NGEF: variants seen among roughly 807,000 people sequenced by gnomAD.
NGEF encodes neuronal guanine nucleotide exchange factor.
A neutral mutation model predicts 80.9 loss-of-function variants in NGEF; 31 were observed. That is an observed-to-expected ratio of 0.38 (90% CI 0.29 to 0.52). The LOEUF (loss-of-function observed/expected upper bound fraction) is 0.52. NGEF is among the 20% of genes least tolerant of loss of function. NGEF has a pLI of 0.84. For missense variants in NGEF, 709 were observed against 926.2 expected, an observed-to-expected ratio of 0.77 and a Z score of 3.04; for synonymous variants, 371 against 370.2, an observed-to-expected ratio of 1.00 and a Z score of -0.03.
chr2:232,883,441 C>A lies in NGEF; in HGVS notation c.1627G>T (p.Ala543Ser). The A allele has an allele frequency of 6.2e-7, 1 of 1,606,646 alleles. No individual in the cohort carries two copies. Residue 543 changes from alanine (A) to serine (S), a missense_variant, in exon 12 of 15, where the codon GCT (alanine) becomes TCT (serine). This residue lies in a region of NGEF where 426 missense variants were observed against 622.9 expected (regional missense o/e 0.68). Transcript: ENST00000264051. ...TCCACACGCAGCAGTCCCCGCGGAG[C>A]TGAGTCAAATACCTGGTACTTGTCT... ...PGDKYQVFDS[A>S]PRGLLRVEEL...
chr2:232,999,208 C>T (rs180685053), intron 1 of NGEF, among the ~76,000 whole-genome samples: 1 of 152,142 alleles, frequency 6.6e-6, no homozygotes, highest in East Asian at 1.9e-4. Flanking sequence ...CCCAGGCTGC[C>T]CTTTTTATTA....
intron 3 of NGEF, among the ~76,000 whole-genome samples, chr2:232,930,710 C>T (rs900671148): frequency 3.3e-5 from 5 of 152,192 alleles, no homozygotes; most frequent in African/African-American, 1.2e-4. Context: ...CTTGCCACCT[C>T]TCAAAGGCCC....
At chr2:232,987,157 C>T (rs1574654784) in intron 1 of NGEF, among the ~76,000 whole-genome samples, 1 of 152,156 alleles carries the variant, frequency 6.6e-6, no homozygotes, top group East Asian at 1.9e-4. Context: ...GCTGGGATTA[C>T]AGGCACGTGC....
chr2:232,918,633 T>TTG (rs149695495), intron 5 of NGEF, among the ~76,000 whole-genome samples: 20,312 of 135,788 alleles, frequency 0.15, 2,161 homozygotes, highest in Non-Finnish European at 0.21. Flanking sequence ...TCTAAGTTTT[T>TTG]TTTTTTTTTT....
rs200191104 is a variant in NGEF at position 232,920,272 on chromosome 2, G to A, written c.828+12C>T. The A allele has an allele frequency of 2.9e-5, 46 of 1,606,356 alleles. No individual in the cohort carries two copies. The highest frequency in any genetic ancestry group is 2.4e-4 in the Admixed American group (14 of 59,556). ...TGCTGTGGGGGAGCCCCCGCCCCTC[G>A]GCGCCTGTTACCTCCTGCAGCTTAA... On this transcript the variant is annotated intron_variant, in intron 5 of 14. Coordinates refer to ENST00000264051, the MANE Select transcript of NGEF (RefSeq NM_019850.3).
chr2:232,995,114 G>GCGCACAGTATGTATATA lies in NGEF; in HGVS notation c.-75+17953_-75+17954insTATATACATACTGTGCG, dbSNP rs1266912166. Among the ~76,000 whole-genome samples, 115 of 4,366 alleles carry GCGCACAGTATGTATATA rather than the reference G, an allele frequency of 0.026. 52 individuals carry two copies. In the East Asian group the frequency reaches 0.9, roughly 34 times the overall value. 2.9% of individuals were successfully genotyped at this position (4,366 alleles called of 152,430 possible). A position where few individuals can be genotyped will look rare whatever the true frequency, so the allele number is the denominator to read the frequency against. On this transcript the variant is annotated intron_variant, in intron 1 of 14. Coordinates refer to ENST00000264051, the MANE Select transcript of NGEF (RefSeq NM_019850.3). ...ATGTATATGTGTACAGTATGTATAT[G>GCGCACAGTATGTATATA]TGTACAGTATGTATATATGTACAGT...
At chr2:232,954,497 A>T (rs1380454041) in intron 3 of NGEF, among the ~76,000 whole-genome samples, 1 of 152,142 alleles carries the variant, frequency 6.6e-6, no homozygotes, top group African/African-American at 2.4e-5. Flanking sequence ...AGGCTGAGGC[A>T]GGCGGATCGT....
At chr2:232,920,659 G>C (rs1177750825) in intron 4 of NGEF, 74 bp from the exon 5 acceptor site, 4 of 1,423,092 alleles carry the variant, frequency 2.8e-6, no homozygotes, top group South Asian at 1.4e-5. Flanking sequence ...CTAAGTCAAG[G>C]CTTCGTGTTC....
At chr2:232,963,237 G>A (rs1037509127) in intron 3 of NGEF, among the ~76,000 whole-genome samples, 2 of 151,840 alleles carry the variant, frequency 1.3e-5, no homozygotes, top group Admixed American at 6.6e-5. Context: ...TTCAGAAATA[G>A]ACCCACATGT....
chr2:232,995,601 T>C (rs1254340636), intron 1 of NGEF, among the ~76,000 whole-genome samples: 5 of 138,146 alleles, frequency 3.6e-5, no homozygotes, highest in African/African-American at 8.8e-5. Flanking sequence ...ATACTGTATA[T>C]ATATACAGTA....
chr2:232,894,813 G>T lies in NGEF; in HGVS notation c.932C>A (p.Pro311Gln). The change falls in exon 6 of 15, where the codon CCG becomes CAG. Residue 311 changes from proline (P) to glutamine (Q), a missense_variant. By Grantham distance (76) the Pro-to-Gln change is moderately conservative (BLOSUM62 -1). Coordinates refer to ENST00000264051, the MANE Select transcript of NGEF (RefSeq NM_019850.3). ...ENERIRKILH[P>Q]SEAHILFSNV... ...GGAGAAGAGGATGTGCGCCTCGGAC[G>T]GGTGCAGGATCTTCCTTATCCGCTC... 2 of 1,611,460 alleles carry T rather than the reference G, an allele frequency of 1.2e-6. No individual in the cohort carries two copies. The highest frequency in any genetic ancestry group is 1.7e-6 in the Non-Finnish European group (2 of 1,178,798).
At chr2:232,912,796 G>A (rs1692716745) in intron 5 of NGEF, among the ~76,000 whole-genome samples, 1 of 152,092 alleles carries the variant, frequency 6.6e-6, no homozygotes, top group South Asian at 2.1e-4. Flanking sequence ...TATGTGTGTA[G>A]AATTGTTCAT....
At chr2:232,883,252 C>T (rs1691572906) in intron 12 of NGEF, 59 bp downstream of exon 12, 13 of 1,529,800 alleles carry the variant, frequency 8.5e-6, no homozygotes, top group South Asian at 3.8e-5. Context: ...CCATAGGCAT[C>T]GAGGCCACAC....
At chr2:232,961,074 G>A (rs1484021827) in intron 3 of NGEF, among the ~76,000 whole-genome samples, 1 of 152,164 alleles carries the variant, frequency 6.6e-6, no homozygotes, top group Non-Finnish European at 1.5e-5. Context: ...GACTTGCAAA[G>A]CAGCCTTGGA....
intron 6 of NGEF, 138 bp from the exon 7 acceptor site, chr2:232,893,188 C>T: frequency 1.3e-6 from 1 of 792,804 alleles, no homozygotes. Context: ...CGACAAGATC[C>T]ATCGGCAGGG....
At chr2:232,882,563 C>T (rs193292697) in intron 12 of NGEF, among the ~76,000 whole-genome samples, 1 of 152,360 alleles carries the variant, frequency 6.6e-6, no homozygotes, top group Non-Finnish European at 1.5e-5. Flanking sequence ...CCAAGTAACG[C>T]GTAAGAGCAC....
At chr2:232,981,697 C>G (rs1243692620) in intron 1 of NGEF, among the ~76,000 whole-genome samples, 1 of 152,138 alleles carries the variant, frequency 6.6e-6, no homozygotes, top group Non-Finnish European at 1.5e-5. Flanking sequence ...ACCCTACCTG[C>G]CAAATTATCC....
At chr2:233,004,615 A>G (rs885579) in intron 1 of NGEF, among the ~76,000 whole-genome samples, 3,752 of 152,166 alleles carry the variant, frequency 0.025, 160 homozygotes, top group African/African-American at 0.086. Context: ...TTGTGGAAAA[A>G]CACATAGTGC....
intron 3 of NGEF, among the ~76,000 whole-genome samples, chr2:232,934,572 G>GT (rs1559214758): frequency 6.6e-6 from 1 of 152,062 alleles, no homozygotes; most frequent in African/African-American, 2.4e-5. Flanking sequence ...TTTCCATTGC[G>GT]TTTAGTGCTT....
Sources: allele counts gnomAD v4.1 joint callset (sites outside exome capture counted in the v4.1 genomes callset), GRCh38; gene constraint gnomAD v4.1.1; regional missense constraint gnomAD v4.1.1; transcripts MANE v1.5; gene names NCBI Gene and HGNC (gene_info 2026-07-23, HGNC 2026-07-21).